NKX2-8: variants seen among roughly 807,000 people sequenced by gnomAD.
NKX2-8 encodes NK2 homeobox 8.
In NKX2-8, 8 loss-of-function variants were observed where a neutral mutation model predicts 6.4. The ratio of observed to expected loss-of-function variants is 1.24; its 90% CI spans 0.73 to 2.24. The LOEUF (loss-of-function observed/expected upper bound fraction) is 2.24. NKX2-8 is among the 30% of genes most tolerant of loss of function. The pLI is 0.00. For missense variants in NKX2-8, 406 were observed against 351.1 expected, an observed-to-expected ratio of 1.16 and a Z score of -1.25; for synonymous variants, 216 against 171.5, an observed-to-expected ratio of 1.26 and a Z score of -2.03.
chr14:36,580,925 CG>C lies in NKX2-8; in HGVS notation c.696del (p.Ala233ProfsTer97). The C allele has an allele frequency of 7.5e-7, 1 of 1,335,006 alleles. No homozygotes were observed. 82.7% of individuals were successfully genotyped at this position (1,335,006 alleles called of 1,614,324 possible). ...CCTCACCAGTTCCAGGAGACCAGGG[CG>C]GGGGATGCTAAGTGCTGGTAGGCGG... ...LFPAYQHLASPALVSWNW is the reference protein window; with the variant it reads ...LFPAYQHLASXALVSWNW On this transcript the variant is annotated frameshift_variant, in exon 2 of 2. Transcript: ENST00000258829. LOFTEE classifies it high-confidence loss of function.
At position 36,581,053 on chromosome 14, in the gene NKX2-8, C is replaced by A. The variant is rs1879209999; in HGVS notation, c.569G>T (p.Gly190Val). 2 of 1,376,156 alleles carry A rather than the reference C, an allele frequency of 1.5e-6. No individual in the cohort carries two copies. The highest frequency in any genetic ancestry group is 9.3e-7 in the Non-Finnish European group (1 of 1,077,176). The allele number at this position is 1,376,156 out of a possible 1,614,324, so 85.2% of individuals were successfully genotyped here. The change falls in exon 2 of 2, where the codon GGA becomes GTA. Residue 190 changes from glycine (G) to valine (V), a missense_variant. Coordinates refer to ENST00000258829, the MANE Select transcript of NKX2-8 (RefSeq NM_014360.4). This position sits in a 1 kb window ranked among gnomAD's most constrained non-coding sequence, Gnocchi z 5.6. ...GCACTTCTCCTGGGCCGCGGCGGTT[C>A]CCACCTCGCCACCGCCGCCGCCGCC... is the stretch of plus-strand genomic sequence containing the variant. ...PCGGGGGGEV[G>V]TAAAQEKCGA...
Position 36,581,004 on chromosome 14 carries a change from G to C in NKX2-8, c.618C>G (p.Cys206Trp). 3.0e-6 allele frequency: 4 copies of C among 1,349,712 alleles called. No homozygotes were observed. Among genetic ancestry groups the C allele is most frequent in the Non-Finnish European group, 3.8e-6 (4 of 1,059,418 alleles). 83.6% of individuals were successfully genotyped at this position (1,349,712 alleles called of 1,614,324 possible). A position where few individuals can be genotyped will look rare whatever the true frequency, so the allele number is the denominator to read the frequency against. The change falls in exon 2 of 2, where the codon TGC becomes TGG. Residue 206 changes from cysteine to tryptophan, a missense_variant. Physicochemically the swap from Cys to Trp is radical, Grantham distance 215. Transcript: ENST00000258829. This position sits in a 1 kb window ranked among gnomAD's most constrained non-coding sequence, Gnocchi z 5.6. ...EKCGAPPAAA[C>W]PLPGYPAFGP... The stretch of plus-strand genomic sequence containing the variant: ...CGAAGGCAGGGTAGCCCGGCAGAGG[G>C]CAGGCGGCGGCTGGAGGGGCGCCGC...
chr14:36,582,158 G>A (rs1879263407), intron 1 of NKX2-8, 75 bp downstream of exon 1: 11 of 1,460,818 alleles, frequency 7.5e-6, no homozygotes, highest in South Asian at 6.5e-5. Context: ...CCGGCCCCTC[G>A]TGGGCTGGGC....
intron 1 of NKX2-8, 100 bp downstream of exon 1, chr14:36,582,133 T>C: frequency 7.7e-7 from 1 of 1,297,452 alleles, no homozygotes; most frequent in East Asian, 2.7e-5. Context: ...GACTCTGGGC[T>C]GGGATTTCGG....
rs377082911 is a variant in NKX2-8 at position 36,581,295 on chromosome 14, C to T, written c.327G>A (p.Leu109=). The T allele has an allele frequency of 2.2e-5, 35 of 1,597,898 alleles. No individual in the cohort carries two copies. Among genetic ancestry groups the T allele is most frequent in the Non-Finnish European group, 2.7e-5 (32 of 1,173,090 alleles). The change falls in exon 2 of 2, where the codon CTG becomes CTA. Residue 109 remains leucine (L), a synonymous_variant. Transcript: ENST00000258829. This position sits in a 1 kb window ranked among gnomAD's most constrained non-coding sequence, Gnocchi z 5.6. The part of the protein sequence containing the change: ...LERRFRQQRY[L]SAPEREQLAS... ...CCAGCTGCTCGCGCTCGGGCGCAGA[C>T]AGGTACCGCTGCTGCCGGAAGCGCC...
chr14:36,582,594 T>C lies in NKX2-8; in HGVS notation c.-205A>G. The C allele has an allele frequency of 2.1e-6, 1 of 487,486 alleles. No homozygotes were observed. Among genetic ancestry groups the C allele is most frequent in the Non-Finnish European group, 3.5e-6 (1 of 284,278 alleles). The allele number at this position is 487,486 out of a possible 1,614,324, so 30.2% of individuals were successfully genotyped here. ...AGCCGAGGTCCGGGTCTCCAGGGTG[T>C]TAAGTACCTGAATGAGCACTGGACC... On this transcript the variant is annotated 5_prime_UTR_variant, in exon 1 of 2. Coordinates refer to ENST00000258829, the MANE Select transcript of NKX2-8 (RefSeq NM_014360.4).
In NKX2-8 at chr14:36,581,120, G is replaced by T; in HGVS notation, c.502C>A (p.Arg168Ser). 6.7e-7 allele frequency: 1 copy of T among 1,483,500 alleles called. No individual in the cohort carries two copies. The highest frequency in any genetic ancestry group is 2.7e-5 in the East Asian group (1 of 37,486). The allele number at this position is 1,483,500 out of a possible 1,614,324, so 91.9% of individuals were successfully genotyped here. A position where few individuals can be genotyped will look rare whatever the true frequency, so the allele number is the denominator to read the frequency against. The change falls in exon 2 of 2, where the codon CGC becomes AGC. Residue 168 changes from arginine to serine, a missense_variant. Coordinates refer to ENST00000258829, the MANE Select transcript of NKX2-8 (RefSeq NM_014360.4). The surrounding 1 kb of genome is among the most constrained non-coding windows in gnomAD (Gnocchi z 5.6). ...CGAACAAGCACCGGCACCACCACGC[G>T]ACGCAGCAGGCCGGGCGCGGCGTGC... The part of the protein sequence containing the change: ...ELHAAPGLLR[R>S]VVVPVLVRDG...
chr14:36,582,226 C>T lies in NKX2-8; in HGVS notation c.157+7G>A. On this transcript the variant is annotated splice_region_variant and intron_variant, in intron 1 of 1. Transcript: ENST00000258829. The stretch of plus-strand genomic sequence containing the variant: ...CCACCCCGCACCGCAATCCACCACG[C>T]ACTTACAAGGGTAGTGGCCGCGCTC... 1 of 1,605,268 alleles carries T rather than the reference C, an allele frequency of 6.2e-7. No homozygotes were observed. The highest frequency in any genetic ancestry group is 8.5e-7 in the Non-Finnish European group (1 of 1,175,212).
Position 36,581,211 on chromosome 14 carries a change from G to C in NKX2-8, c.411C>G (p.Tyr137Ter). The C allele has an allele frequency of 6.2e-7, 1 of 1,610,270 alleles. No individual in the cohort carries two copies. The highest frequency in any genetic ancestry group is 8.5e-7 in the Non-Finnish European group (1 of 1,179,290). Residue 137 changes from tyrosine (Y) to a stop codon, truncating the protein, a stop_gained, in exon 2 of 2, where the codon TAC (tyrosine) becomes TAG (stop). Transcript: ENST00000258829. LOFTEE classifies it low-confidence loss of function (END_TRUNC). The surrounding 1 kb of genome is among the most constrained non-coding windows in gnomAD (Gnocchi z 5.6). ...CTGGAGCGCGAGCGCGCTTCAGCTT[G>C]TAGCGATGATTCTGGAACCAGATCT... ...QVKIWFQNHR[Y>*]KLKRARAPGA...
chr14:36,580,015 T>A lies in NKX2-8; in HGVS notation c.*887A>T, dbSNP rs1879162749. Among the ~76,000 whole-genome samples, 1 of 152,188 alleles carries A rather than the reference T, an allele frequency of 6.6e-6. No homozygotes were observed. The highest frequency in any genetic ancestry group is 2.4e-5 in the African/African-American group (1 of 41,450). On this transcript the variant is annotated 3_prime_UTR_variant, in exon 2 of 2. Transcript: ENST00000258829. The stretch of plus-strand genomic sequence containing the variant: ...GAGGAGACAGGAAATCACAGCTAAC[T>A]TAGGCACTTGCAGGCTTAAATAGGG...
Position 36,582,283 on chromosome 14 carries a change from T to G in NKX2-8, c.107A>C (p.Gln36Pro). The change falls in exon 1 of 2, where the codon CAG (glutamine) becomes CCG (proline). Residue 36 changes from glutamine to proline, a missense_variant. Gln to Pro is a moderately conservative substitution (Grantham distance 76). Coordinates refer to ENST00000258829, the MANE Select transcript of NKX2-8 (RefSeq NM_014360.4). ...PRREPEPRAP[Q>P]PDPCAAWLDS... ...CAGCCAGGCGGCGCAGGGGTCGGGCTGGGGGGCGCGTGGTTCTGGCTCCCG... is the reference window on the plus strand; with the variant it reads ...CAGCCAGGCGGCGCAGGGGTCGGGCGGGGGGGCGCGTGGTTCTGGCTCCCG... The G allele has an allele frequency of 1.9e-6, 3 of 1,608,708 alleles. No individual in the cohort carries two copies. Among genetic ancestry groups the G allele is most frequent in the Middle Eastern group, 1.7e-4 (1 of 6,036 alleles).
Position 36,581,523 on chromosome 14 carries a change from GCCCTT to G in NKX2-8, c.158-64_158-60del. 1 of 1,425,048 alleles carries G rather than the reference GCCCTT, an allele frequency of 7.0e-7. No individual in the cohort carries two copies. Among genetic ancestry groups the G allele is most frequent in the Non-Finnish European group, 9.3e-7 (1 of 1,072,684 alleles). 88.3% of individuals were successfully genotyped at this position (1,425,048 alleles called of 1,614,324 possible). ...ACGCCGGACCCTACGAGGGCCTGCT[GCCCTT>G]CTGGCGCGGGCGTGGAGGCACTGGC... On this transcript the variant is annotated intron_variant, in intron 1 of 1. Coordinates refer to ENST00000258829, the MANE Select transcript of NKX2-8 (RefSeq NM_014360.4). The surrounding 1 kb of genome is among the most constrained non-coding windows in gnomAD (Gnocchi z 5.6).
chr14:36,580,696 G>A lies in NKX2-8; in HGVS notation c.*206C>T. 2 of 397,856 alleles carry A rather than the reference G, an allele frequency of 5.0e-6. No individual in the cohort carries two copies. The highest frequency in any genetic ancestry group is 8.8e-6 in the Non-Finnish European group (2 of 226,348). The allele number at this position is 397,856 out of a possible 1,614,324, so 24.6% of individuals were successfully genotyped here. ...TCTAACTCTGGGGCTGGCGGTGGAG[G>A]GAAGGTGAGGGAGGGGGCTCTGGCA... On this transcript the variant is annotated 3_prime_UTR_variant, in exon 2 of 2. Transcript: ENST00000258829.
At position 36,581,175 on chromosome 14, in the gene NKX2-8, C is replaced by A. The variant is rs1555352227; in HGVS notation, c.447G>T (p.Glu149Asp). 1.9e-6 allele frequency: 3 copies of A among 1,598,374 alleles called. No homozygotes were observed. The Admixed American group carries it at 5.1e-5, about 27-fold the overall frequency. The change falls in exon 2 of 2, where the codon GAG becomes GAT. Residue 149 changes from glutamate (E) to aspartate (D), a missense_variant. Glu to Asp is a conservative substitution (Grantham distance 45). Coordinates refer to ENST00000258829, the MANE Select transcript of NKX2-8 (RefSeq NM_014360.4). The surrounding 1 kb of genome is among the most constrained non-coding windows in gnomAD (Gnocchi z 5.6). ...LKRARAPGAAESPDLAASAEL... is the reference protein window; with the variant it reads ...LKRARAPGAADSPDLAASAEL... ...CGGCGGATGCTGCCAGGTCAGGCGA[C>A]TCCGCCGCCCCTGGAGCGCGAGCGC... is the stretch of plus-strand genomic sequence containing the variant.
Position 36,581,388 on chromosome 14 carries a change from G to C in NKX2-8, c.234C>G (p.Gly78=). 1 of 1,595,000 alleles carries C rather than the reference G, an allele frequency of 6.3e-7. No homozygotes were observed. The highest frequency in any genetic ancestry group is 8.5e-7 in the Non-Finnish European group (1 of 1,171,336). ...QRPSARPASP[G]SDAEKRKKRR... is the part of the protein sequence containing the mutation. ...GCTTCTTCCTTTTCTCGGCGTCCGA[G>C]CCCGGAGACGCGGGCCTAGCGGACG... Residue 78 remains glycine, a synonymous_variant, in exon 2 of 2, where the codon GGC becomes GGG. Transcript: ENST00000258829. This position sits in a 1 kb window ranked among gnomAD's most constrained non-coding sequence, Gnocchi z 5.6.
chr14:36,582,452 C>A lies in NKX2-8; in HGVS notation c.-63G>T, dbSNP rs571824004. On this transcript the variant is annotated 5_prime_UTR_variant, in exon 1 of 2. Coordinates refer to ENST00000258829, the MANE Select transcript of NKX2-8 (RefSeq NM_014360.4). ...GGGAACGGAGGGGCGGCCGGGACGC[C>A]GCTCCTACGGATGGGCGTGGGAGGC... 1.6e-5 allele frequency: 23 copies of A among 1,415,264 alleles called. No homozygotes were observed. Among genetic ancestry groups the A allele is most frequent in the East Asian group, 1.3e-4 (5 of 37,292 alleles). The allele number at this position is 1,415,264 out of a possible 1,614,324, so 87.7% of individuals were successfully genotyped here.
chr14:36,581,052 T>G lies in NKX2-8; in HGVS notation c.570A>C (p.Gly190=), dbSNP rs1439527827. 8.0e-6 allele frequency: 11 copies of G among 1,376,124 alleles called. No individual in the cohort carries two copies. Among genetic ancestry groups the G allele is most frequent in the Non-Finnish European group, 1.0e-5 (11 of 1,077,144 alleles). The allele number at this position is 1,376,124 out of a possible 1,614,324, so 85.2% of individuals were successfully genotyped here. ...PCGGGGGGEV[G]TAAAQEKCGA... ...CGCACTTCTCCTGGGCCGCGGCGGTTCCCACCTCGCCACCGCCGCCGCCGC... is the reference window on the plus strand; with the variant it reads ...CGCACTTCTCCTGGGCCGCGGCGGTGCCCACCTCGCCACCGCCGCCGCCGC... Residue 190 remains glycine, a synonymous_variant, in exon 2 of 2, where the codon GGA becomes GGC. Coordinates refer to ENST00000258829, the MANE Select transcript of NKX2-8 (RefSeq NM_014360.4). This position sits in a 1 kb window ranked among gnomAD's most constrained non-coding sequence, Gnocchi z 5.6.
Position 36,581,452 on chromosome 14 carries a change from C to A in NKX2-8, c.170G>T (p.Ser57Ile). The change falls in exon 2 of 2, where the codon AGC becomes ATC. Residue 57 changes from serine to isoleucine, a missense_variant. By Grantham distance (142) the Ser-to-Ile change is moderately radical. Coordinates refer to ENST00000258829, the MANE Select transcript of NKX2-8 (RefSeq NM_014360.4). This position sits in a 1 kb window ranked among gnomAD's most constrained non-coding sequence, Gnocchi z 5.6. Reference protein sequence around the residue: ...ERGHYPSSDESSLETSPPDSS... With the variant: ...ERGHYPSSDEISLETSPPDSS... ...GTCTGGCGGGCTGGTCTCCAGGCTG[C>A]TCTCGTCCGAGGCTAGGGACAGCAA... 6.4e-7 allele frequency: 1 copy of A among 1,564,866 alleles called. No homozygotes were observed. Among genetic ancestry groups the A allele is most frequent in the South Asian group, 1.2e-5 (1 of 80,998 alleles).
chr14:36,582,280 G>A lies in NKX2-8; in HGVS notation c.110C>T (p.Pro37Leu), dbSNP rs555693555. 6.2e-7 allele frequency: 1 copy of A among 1,609,106 alleles called. No homozygotes were observed. The highest frequency in any genetic ancestry group is 1.3e-5 in the African/African-American group (1 of 74,948). Residue 37 changes from proline (P) to leucine (L), a missense_variant, in exon 1 of 2, where the codon CCC becomes CTC. By Grantham distance (98) the Pro-to-Leu change is moderately conservative. Coordinates refer to ENST00000258829, the MANE Select transcript of NKX2-8 (RefSeq NM_014360.4). ...RREPEPRAPQPDPCAAWLDSE... is the reference protein window; with the variant it reads ...RREPEPRAPQLDPCAAWLDSE... Reference sequence around the variant, plus strand: ...ATCCAGCCAGGCGGCGCAGGGGTCGGGCTGGGGGGCGCGTGGTTCTGGCTC... The same window carrying A: ...ATCCAGCCAGGCGGCGCAGGGGTCGAGCTGGGGGGCGCGTGGTTCTGGCTC...
Sources: gnomAD v4.1 joint callset for allele counts (sites outside exome capture counted in the v4.1 genomes callset) on GRCh38, gnomAD v4.1.1 for gene constraint, Gnocchi (gnomAD v3.1) non-coding constraint, MANE v1.5 for transcripts, NCBI Gene and HGNC (gene_info 2026-07-23, HGNC 2026-07-21) for gene names.